The following CAMKK1 variants were observed in gnomAD, a reference collection of about 807,000 sequenced individuals.
The protein encoded by CAMKK1 is calcium/calmodulin dependent protein kinase kinase 1.
In CAMKK1, 20 loss-of-function variants were observed where a neutral mutation model predicts 63.5. That is an observed-to-expected ratio of 0.32 (90% CI 0.22 to 0.46). The LOEUF is 0.46. Among genes scored for constraint, CAMKK1 ranks in the 20% least tolerant of loss-of-function variants. The pLI, the probability that CAMKK1 is intolerant of heterozygous loss-of-function variation, is 1.00. For synonymous variants in CAMKK1, 253 were observed against 269.0 expected, an observed-to-expected ratio of 0.94 and a Z score of 0.58; for missense variants, 588 against 658.1, an observed-to-expected ratio of 0.89 and a Z score of 1.17.
At chr17:3,865,682 T>G (rs2054490981) in intron 15 of CAMKK1, 5 of 1,392,912 alleles carry the variant, frequency 3.6e-6, no homozygotes, top group Non-Finnish European at 4.7e-6. Context: ...AGTGTGTGTG[T>G]GAGGGATGCT....
intron 10 of CAMKK1, 44 bp downstream of exon 10, chr17:3,876,179 G>A (rs915750810): frequency 8.9e-6 from 14 of 1,571,366 alleles, no homozygotes; most frequent in Admixed American, 5.2e-5. Flanking sequence ...AAGCTATTAC[G>A]CCCCCCACTT....
intron 14 of CAMKK1, among the ~76,000 whole-genome samples, chr17:3,866,601 A>C (rs1161465709): frequency 1.3e-5 from 2 of 151,752 alleles, no homozygotes; most frequent in Non-Finnish European, 2.9e-5. Context: ...CAGTCCCTTC[A>C]CTCCCTCGCT....
chr17:3,883,000 G>T lies in CAMKK1; in HGVS notation c.648+42C>A. On this transcript the variant is annotated intron_variant, in intron 6 of 15. Transcript: ENST00000348335. The surrounding 1 kb of genome is among the most constrained non-coding windows in gnomAD (Gnocchi z 4.3). The stretch of plus-strand genomic sequence containing the variant: ...CCAGCACCAGAAGCGGCTCCCATGA[G>T]ACTCAGGTGCTGGTTCCCACCTGCT... 1.2e-6 allele frequency: 2 copies of T among 1,607,484 alleles called. No homozygotes were observed. The highest frequency in any genetic ancestry group is 1.1e-5 in the South Asian group (1 of 90,704).
In CAMKK1 at chr17:3,885,453, G is replaced by C. The variant is rs746083441; in HGVS notation, c.235C>G (p.Pro79Ala). Residue 79 changes from proline to alanine, a missense_variant, in exon 2 of 16, where the codon CCA becomes GCA. Coordinates refer to ENST00000348335, the MANE Select transcript of CAMKK1 (RefSeq NM_032294.3). ...TGCGCCTCCAGATAGCTTCCTGCTG[G>C]CCGCTCCTGTAGGGAAAGCTTCCTG... ...SARKLSLQER[P>A]AGSYLEAQAG... The C allele has an allele frequency of 3.7e-6, 6 of 1,613,428 alleles. No homozygotes were observed. The highest frequency in any genetic ancestry group is 5.1e-6 in the Non-Finnish European group (6 of 1,179,996).
rs771296466 is a variant in CAMKK1 at position 3,890,654 on chromosome 17, C to T, written c.-44+2285G>A. The T allele has an allele frequency of 1.0e-5, 8 of 779,594 alleles. No homozygotes were observed. Among genetic ancestry groups the T allele is most frequent in the Non-Finnish European group, 1.9e-5 (8 of 417,952 alleles). The allele number at this position is 779,594 out of a possible 1,614,324, so 48.3% of individuals were successfully genotyped here. On this transcript the variant is annotated intron_variant, in intron 1 of 15. Coordinates refer to ENST00000348335, the MANE Select transcript of CAMKK1 (RefSeq NM_032294.3). The surrounding 1 kb of genome is among the most constrained non-coding windows in gnomAD (Gnocchi z 6.5). ...AGCCCTCCTTGTCACTCGTCCTTTC[C>T]CTGTTGCCCACCCTTGCTCCCCACA... is the stretch of plus-strand genomic sequence containing the variant.
At chr17:3,866,413 C>T (rs879930424) in intron 14 of CAMKK1, among the ~76,000 whole-genome samples, 11 of 152,390 alleles carry the variant, frequency 7.2e-5, no homozygotes, top group Admixed American at 3.9e-4. Context: ...TACTGCAGGG[C>T]GGCCCGGGAA....
Position 3,876,429 on chromosome 17 carries a change from AG to A in CAMKK1, c.797-8del. On this transcript the variant is annotated splice_polypyrimidine_tract_variant and splice_region_variant and intron_variant, in intron 9 of 15. Coordinates refer to ENST00000348335, the MANE Select transcript of CAMKK1 (RefSeq NM_032294.3). Reference sequence around the variant, plus strand: ...ACGATCTTCTGGCAGTGCACTGCAGAGAAGGGGAGCTTGAGCTGAGCGCTGG... The same window carrying A: ...ACGATCTTCTGGCAGTGCACTGCAGAAAGGGGAGCTTGAGCTGAGCGCTGG... 6.2e-7 allele frequency: 1 copy of A among 1,613,166 alleles called. No individual in the cohort carries two copies. The highest frequency in any genetic ancestry group is 8.5e-7 in the Non-Finnish European group (1 of 1,179,278).
chr17:3,866,079 T>C, intron 14 of CAMKK1, 68 bp from the exon 15 acceptor site: 1 of 1,572,606 alleles, frequency 6.4e-7, no homozygotes, highest in African/African-American at 1.3e-5. Flanking sequence ...TCTGCTCCGA[T>C]TCCCCGAGAG....
chr17:3,886,519 C>A (rs944770692), intron 1 of CAMKK1, among the ~76,000 whole-genome samples: 1 of 152,148 alleles, frequency 6.6e-6, no homozygotes, highest in African/African-American at 2.4e-5. Flanking sequence ...GAAATCCCAT[C>A]TACTCGGGAG....
In CAMKK1 at chr17:3,862,254, C is replaced by T. The variant is rs1159248875; in HGVS notation, c.1475G>A (p.Ser492Asn). 5 of 1,589,772 alleles carry T rather than the reference C, an allele frequency of 3.1e-6. No homozygotes were observed. The South Asian group carries it at 4.6e-5, about 15-fold the overall frequency. ...VKEGFGEGGK[S>N]PELPGVQEDE... ...TTCCTGGACGCCGGGGAGCTCTGGG[C>T]TCTTGCCCCCTTCACCAAACCCTTC... Residue 492 changes from serine to asparagine, a missense_variant, in exon 16 of 16, where the codon AGC (serine) becomes AAC (asparagine). By Grantham distance (46) the Ser-to-Asn change is conservative (BLOSUM62 1). This residue lies in a region of CAMKK1 where 226 missense variants were observed against 229.2 expected (regional missense o/e 0.99). Coordinates refer to ENST00000348335, the MANE Select transcript of CAMKK1 (RefSeq NM_032294.3). This position sits in a 1 kb window ranked among gnomAD's most constrained non-coding sequence, Gnocchi z 4.1.
chr17:3,871,663 GTTTC>G (rs2054890638), intron 12 of CAMKK1, among the ~76,000 whole-genome samples: 1 of 132,588 alleles, frequency 7.5e-6, no homozygotes, highest in East Asian at 2.2e-4. Flanking sequence ...GCCTTATTCA[GTTTC>G]TTTCTTCTGT....
rs2055952344 is a variant in CAMKK1 at position 3,892,817 on chromosome 17, C to T, written c.-44+122G>A. The T allele has an allele frequency of 6.7e-6, 1 of 150,200 alleles. No individual in the cohort carries two copies. The highest frequency in any genetic ancestry group is 6.6e-5 in the Admixed American group (1 of 15,090). The allele number at this position is 150,200 out of a possible 1,614,324, so 9.3% of individuals were successfully genotyped here. ...GAAGGATCCCCGCCCTGACCAGATC[C>T]CAGCTCCCTCGTAGACGCGGCCTGG... On this transcript the variant is annotated intron_variant, in intron 1 of 15. Coordinates refer to ENST00000348335, the MANE Select transcript of CAMKK1 (RefSeq NM_032294.3). The surrounding 1 kb of genome is among the most constrained non-coding windows in gnomAD (Gnocchi z 7.5).
Position 3,883,220 on chromosome 17 carries a change from G to A in CAMKK1, c.515-45C>T. The A allele has an allele frequency of 6.2e-7, 1 of 1,603,110 alleles. No individual in the cohort carries two copies. Among genetic ancestry groups the A allele is most frequent in the Non-Finnish European group, 8.5e-7 (1 of 1,177,772 alleles). On this transcript the variant is annotated intron_variant, in intron 5 of 15. Transcript: ENST00000348335. The surrounding 1 kb of genome is among the most constrained non-coding windows in gnomAD (Gnocchi z 4.7). ...TCAAACACCTGTTCCAGGTGGCTGG[G>A]CCTCACCGTGGCCCCCAAACCAGTC...
chr17:3,874,094 A>G (rs1041945516), intron 10 of CAMKK1, among the ~76,000 whole-genome samples: 2 of 152,226 alleles, frequency 1.3e-5, no homozygotes, highest in African/African-American at 4.8e-5. Flanking sequence ...CTACCTACAT[A>G]TTCCTGCCCC....
rs769028318 is a variant in CAMKK1, at chr17:3,880,441, A to G, written c.708-7T>C. ...GGGCACTTCCATGACGGGCCTATGGAGAAGGATGCGGGGAGGGGCATTCAG... is the reference window on the plus strand; with the variant it reads ...GGGCACTTCCATGACGGGCCTATGGGGAAGGATGCGGGGAGGGGCATTCAG... On this transcript the variant is annotated splice_polypyrimidine_tract_variant and splice_region_variant and intron_variant, in intron 8 of 15. Transcript: ENST00000348335. 2 of 1,611,640 alleles carry G rather than the reference A, an allele frequency of 1.2e-6. No homozygotes were observed. Among genetic ancestry groups the G allele is most frequent in the Admixed American group, 3.3e-5 (2 of 59,786 alleles).
chr17:3,867,107 G>T (rs192764472), intron 14 of CAMKK1, among the ~76,000 whole-genome samples: 1 of 152,308 alleles, frequency 6.6e-6, no homozygotes, highest in East Asian at 1.9e-4. Flanking sequence ...TAAGTGGAAA[G>T]GAAAAAATAA....
chr17:3,888,004 G>A (rs1295923912), intron 1 of CAMKK1, among the ~76,000 whole-genome samples: 1 of 152,174 alleles, frequency 6.6e-6, no homozygotes, highest in African/African-American at 2.4e-5. Flanking sequence ...AATATTTGTT[G>A]AATAAATGAG....
At chr17:3,871,294 A>G (rs1045649998) in intron 12 of CAMKK1, among the ~76,000 whole-genome samples, 1 of 151,088 alleles carries the variant, frequency 6.6e-6, no homozygotes, top group Non-Finnish European at 1.5e-5. Context: ...CGCTGAGTAC[A>G]AGTCCCGTTT....
At chr17:3,886,614 G>A (rs1334616372) in intron 1 of CAMKK1, among the ~76,000 whole-genome samples, 14 of 152,164 alleles carry the variant, frequency 9.2e-5, no homozygotes, top group East Asian at 1.9e-4. Flanking sequence ...CCTGGGTGAC[G>A]GAGCAAGACT....
Sources: gnomAD v4.1 joint callset for allele counts (sites outside exome capture counted in the v4.1 genomes callset) on GRCh38, gnomAD v4.1.1 for gene constraint, gnomAD v4.1.1 regional missense constraint, Gnocchi (gnomAD v3.1) non-coding constraint, MANE v1.5 for transcripts, NCBI Gene and HGNC (gene_info 2026-07-23, HGNC 2026-07-21) for gene names.